The following ULK4 variants were observed in gnomAD, a reference collection of about 807,000 sequenced individuals.
ULK4 encodes inactive serine/threonine-protein kinase ULK4.
ULK4 carries 133 observed loss-of-function variants against 160.6 expected under a neutral mutation model. The ratio of observed to expected loss-of-function variants is 0.83; its 90% confidence interval spans 0.72 to 0.96. The LOEUF (loss-of-function observed/expected upper bound fraction) is 0.96. Ranked by LOEUF, ULK4 falls within the 40% of genes least tolerant of loss-of-function variation. The pLI, the probability that ULK4 is intolerant of heterozygous loss-of-function variation, is 0.00. For missense variants in ULK4, 1,580 were observed against 1,499.5 expected (o/e 1.05, Z -0.89); for synonymous variants, 534 against 539.8 (o/e 0.99, Z 0.15).
At chr3:41,419,438 A>C (rs991507206) in intron 34 of ULK4, among the ~76,000 whole-genome samples, 1 of 152,194 alleles carries the variant, frequency 6.6e-6, no homozygotes, top group African/African-American at 2.4e-5. Context: ...GTAGATTTAC[A>C]AGAATGGAGT....
intron 33 of ULK4, among the ~76,000 whole-genome samples, chr3:41,458,016 G>A (rs1030613136): frequency 1.1e-4 from 17 of 152,172 alleles, no homozygotes; most frequent in African/African-American, 4.1e-4. Flanking sequence ...TAAAAAAAGA[G>A]GGAAATTTTA....
intron 11 of ULK4, among the ~76,000 whole-genome samples, chr3:41,910,953 A>C (rs4299460): frequency 0.13 from 19,054 of 152,252 alleles, 1,373 homozygotes; most frequent in Middle Eastern, 0.27. Context: ...ATAGACGGAG[A>C]TCTTGTCTCA....
intron 32 of ULK4, among the ~76,000 whole-genome samples, chr3:41,545,181 A>T (rs957211547): frequency 8.5e-5 from 10 of 118,010 alleles, no homozygotes; most frequent in African/African-American, 2.7e-4. Context: ...TTACAGAGTA[A>T]CAAAAAAAAG....
intron 34 of ULK4, among the ~76,000 whole-genome samples, chr3:41,405,814 GT>G (rs34201902): frequency 0.22 from 32,339 of 149,458 alleles, 3,834 homozygotes; most frequent in African/African-American, 0.31. Flanking sequence ...TTTTTAATGA[GT>G]TTTTTTTTTG....
intron 34 of ULK4, among the ~76,000 whole-genome samples, chr3:41,433,759 G>A (rs540780146): frequency 1.5e-4 from 22 of 151,634 alleles, no homozygotes; most frequent in South Asian, 2.1e-4. Flanking sequence ...TCGCTCTGTC[G>A]CCCAGGCTGG....
intron 30 of ULK4, among the ~76,000 whole-genome samples, chr3:41,634,240 C>T (rs186894498): frequency 1.7e-3 from 258 of 152,278 alleles, no homozygotes; most frequent in Non-Finnish European, 3.3e-3. Flanking sequence ...TGTGCTTTTG[C>T]CTGACCCATG....
chr3:41,553,235 A>C (rs13080270), intron 32 of ULK4, among the ~76,000 whole-genome samples: 77,515 of 151,784 alleles, frequency 0.51, 19,904 homozygotes, highest in Middle Eastern at 0.58. Context: ...CAGGCAACAA[A>C]AACAAAAATA....
chr3:41,571,535 A>C (rs1472914054), intron 31 of ULK4, among the ~76,000 whole-genome samples: 1 of 152,184 alleles, frequency 6.6e-6, no homozygotes, highest in Non-Finnish European at 1.5e-5. Flanking sequence ...AGAGGAGAGG[A>C]ATATATGAAA....
intron 24 of ULK4, 66 bp from the exon 25 acceptor site, chr3:41,715,359 A>G: frequency 6.2e-7 from 1 of 1,610,032 alleles, no homozygotes; most frequent in Non-Finnish European, 8.5e-7. Context: ...TCAATAAAAA[A>G]AAAATGTTTT....
At chr3:41,579,923 C>G (rs142892878) in intron 31 of ULK4, among the ~76,000 whole-genome samples, 106 of 152,252 alleles carry the variant, frequency 7.0e-4, no homozygotes, top group Middle Eastern at 3.4e-3. Context: ...AGACAGGGAG[C>G]AGAAAAGCAA....
intron 5 of ULK4, among the ~76,000 whole-genome samples, chr3:41,925,069 A>G (rs1292034536): frequency 6.6e-6 from 1 of 152,144 alleles, no homozygotes; most frequent in Non-Finnish European, 1.5e-5. Context: ...CCCACCTCAC[A>G]TACCAAGAAT....
chr3:41,727,039 T>C (rs1447252697), intron 22 of ULK4, among the ~76,000 whole-genome samples: 1 of 152,130 alleles, frequency 6.6e-6, no homozygotes, highest in Non-Finnish European at 1.5e-5. Flanking sequence ...CATTTATCTC[T>C]CTGATTCATT....
chr3:41,353,161 G>A (rs1037389901), intron 35 of ULK4, among the ~76,000 whole-genome samples: 3 of 152,116 alleles, frequency 2.0e-5, no homozygotes, highest in South Asian at 2.1e-4. Context: ...TTTGGTACCC[G>A]TTGCTCCTGG....
chr3:41,916,083 G>A, intron 7 of ULK4, 31 bp from the exon 8 acceptor site: 2 of 1,427,164 alleles, frequency 1.4e-6, no homozygotes, highest in Non-Finnish European at 1.9e-6. Context: ...AAGAAAAAAT[G>A]ATAAGTAGTA....
chr3:41,928,273 G>A (rs1015224037), intron 5 of ULK4, among the ~76,000 whole-genome samples: 1 of 152,108 alleles, frequency 6.6e-6, no homozygotes, highest in South Asian at 2.1e-4. Flanking sequence ...TGAAATGAAG[G>A]CAGAAATAAA....
intron 34 of ULK4, among the ~76,000 whole-genome samples, chr3:41,422,128 T>G (rs2082677042): frequency 2.0e-5 from 3 of 152,160 alleles, no homozygotes; most frequent in Admixed American, 6.5e-5. Context: ...TTATATTCTG[T>G]GTCATAAATA....
At chr3:41,818,402 CTG>C (rs986548016) in intron 19 of ULK4, among the ~76,000 whole-genome samples, 3 of 152,182 alleles carry the variant, frequency 2.0e-5, no homozygotes, top group Non-Finnish European at 4.4e-5. Context: ...TAGGTGAGGT[CTG>C]TGTGTGAATA....
chr3:41,523,937 T>C (rs12497302), intron 32 of ULK4, among the ~76,000 whole-genome samples: 6 of 152,060 alleles, frequency 3.9e-5, no homozygotes, highest in Admixed American at 6.5e-5. Context: ...TAAAAAAAAA[T>C]TATGCAATCA....
chr3:41,501,189 C>T (rs1196762026), intron 32 of ULK4, among the ~76,000 whole-genome samples: 5 of 122,420 alleles, frequency 4.1e-5, no homozygotes, highest in Admixed American at 1.0e-4. Flanking sequence ...GGAAAACAGT[C>T]AGTTTTTAAA....
Sources: allele counts gnomAD v4.1 joint callset (sites outside exome capture counted in the v4.1 genomes callset), GRCh38; gene constraint gnomAD v4.1.1; transcripts MANE v1.5; gene names NCBI Gene and HGNC (gene_info 2026-07-23, HGNC 2026-07-21).